Variants in RCAN1 observed in about 807,000 individuals in gnomAD.
RCAN1 encodes regulator of calcineurin 1, also known as calcipressin-1.
Under a neutral mutation model 22.9 loss-of-function variants are expected in RCAN1, and 11 were observed. That is an observed-to-expected ratio of 0.48 (90% CI 0.30 to 0.79). The LOEUF (loss-of-function observed/expected upper bound fraction) is 0.79. Ranked by LOEUF, RCAN1 falls within the 30% of genes least tolerant of loss-of-function variation. The pLI, the probability that RCAN1 is intolerant of heterozygous loss-of-function variation, is 0.06. For synonymous variants in RCAN1, 136 were observed against 142.3 expected (o/e 0.96, Z 0.32); for missense variants, 291 against 337.8 (o/e 0.86, Z 1.09).
At chr21:34,531,654 A>T (rs1985395782) in intron 1 of RCAN1, among the ~76,000 whole-genome samples, 1 of 152,168 alleles carries the variant, frequency 6.6e-6, no homozygotes, top group African/African-American at 2.4e-5. Context: ...TTCCTGCTGT[A>T]GCCCAGGCAG....
At chr21:34,535,095 CT>C (rs1985607333) in intron 1 of RCAN1, among the ~76,000 whole-genome samples, 1 of 152,184 alleles carries the variant, frequency 6.6e-6, no homozygotes, top group Non-Finnish European at 1.5e-5. Context: ...AAATAAAATG[CT>C]TTACTGGCAG....
At chr21:34,546,644 A>G (rs573708205) in intron 1 of RCAN1, among the ~76,000 whole-genome samples, 2 of 152,190 alleles carry the variant, frequency 1.3e-5, no homozygotes, top group Non-Finnish European at 2.9e-5. Context: ...CATACTAACA[A>G]TAATTATGAG....
In RCAN1 at chr21:34,614,703, C is replaced by T. The variant is rs2123743664; in HGVS notation, c.252+57G>A. 7.5e-7 allele frequency: 1 copy of T among 1,335,128 alleles called. No individual in the cohort carries two copies. Among genetic ancestry groups the T allele is most frequent in the Admixed American group, 3.5e-5 (1 of 28,238 alleles). 82.7% of individuals were successfully genotyped at this position (1,335,128 alleles called of 1,614,324 possible). On this transcript the variant is annotated intron_variant, in intron 1 of 3. Transcript: ENST00000313806. This position sits in a 1 kb window ranked among gnomAD's most constrained non-coding sequence, Gnocchi z 6.0. ...CTGGGCGCTGCGACCCGCGCCGCCT[C>T]CTCGGGCAACAAGTGTCCGCCCTCC... is the stretch of plus-strand genomic sequence containing the variant.
chr21:34,525,444 T>C, intron 1 of RCAN1: 1 of 1,384,948 alleles, frequency 7.2e-7, no homozygotes, highest in East Asian at 2.6e-5. Flanking sequence ...TTTCCCCACC[T>C]CTCTTGAGCA....
chr21:34,602,039 G>T (rs1231048855), intron 1 of RCAN1, among the ~76,000 whole-genome samples: 1 of 152,024 alleles, frequency 6.6e-6, no homozygotes, highest in South Asian at 2.1e-4. Flanking sequence ...TATAAAACTG[G>T]TAACAACATA....
intron 1 of RCAN1, among the ~76,000 whole-genome samples, chr21:34,613,596 C>T (rs915540): frequency 0.83 from 126,188 of 152,226 alleles, 52,757 homozygotes; most frequent in East Asian, 0.95. Context: ...AGGAAAAGGT[C>T]TGAAATGCTG....
intron 1 of RCAN1, among the ~76,000 whole-genome samples, chr21:34,562,596 A>G (rs1986833080): frequency 6.6e-6 from 1 of 152,222 alleles, no homozygotes; most frequent in South Asian, 2.1e-4. Flanking sequence ...ACACTTTCAC[A>G]TCAACTCAGG....
chr21:34,564,732 C>G (rs1439768731), intron 1 of RCAN1, among the ~76,000 whole-genome samples: 1 of 152,054 alleles, frequency 6.6e-6, no homozygotes, highest in African/African-American at 2.4e-5. Context: ...TATAAATATA[C>G]ATATTTATAT....
intron 1 of RCAN1, among the ~76,000 whole-genome samples, chr21:34,562,260 T>C (rs1221868224): frequency 6.6e-6 from 1 of 152,232 alleles, no homozygotes; most frequent in Non-Finnish European, 1.5e-5. Context: ...TGCAGTGACA[T>C]CTTTTGGTAC....
chr21:34,523,907 C>T (rs1035677015), intron 1 of RCAN1, 197 bp from the exon 2 acceptor site: 14 of 412,682 alleles, frequency 3.4e-5, no homozygotes, highest in East Asian at 5.1e-5. Context: ...CTCAGCCTCC[C>T]GAGTAGCTGG....
intron 1 of RCAN1, among the ~76,000 whole-genome samples, chr21:34,598,476 A>T (rs1026362335): frequency 5.8e-4 from 88 of 152,246 alleles, no homozygotes; most frequent in African/African-American, 1.9e-3. Context: ...CAACATTGGA[A>T]CATCCCACAG....
intron 1 of RCAN1, among the ~76,000 whole-genome samples, chr21:34,611,035 T>C (rs1025468945): frequency 2.0e-5 from 3 of 152,216 alleles, no homozygotes; most frequent in African/African-American, 7.2e-5. Flanking sequence ...AAAGGGTATT[T>C]GTTTCCATTA....
chr21:34,554,405 G>C (rs1181701897), intron 1 of RCAN1, among the ~76,000 whole-genome samples: 1 of 152,214 alleles, frequency 6.6e-6, no homozygotes, highest in Non-Finnish European at 1.5e-5. Flanking sequence ...CCACAGAGCT[G>C]CTGATACATC....
At chr21:34,596,716 C>G (rs1176939613) in intron 1 of RCAN1, among the ~76,000 whole-genome samples, 1 of 152,212 alleles carries the variant, frequency 6.6e-6, no homozygotes, top group African/African-American at 2.4e-5. Flanking sequence ...AACACCAACA[C>G]AGTACCTCAG....
chr21:34,546,800 A>T (rs1348125011), intron 1 of RCAN1, among the ~76,000 whole-genome samples: 1 of 152,346 alleles, frequency 6.6e-6, no homozygotes, highest in South Asian at 2.1e-4. Context: ...TCCATTTTAG[A>T]TATGGAAAAA....
At position 34,555,092 on chromosome 21, in the gene RCAN1, G is replaced by C. The variant is rs1365778620; in HGVS notation, c.253-31382C>G. Among the ~76,000 whole-genome samples, 5 of 152,244 alleles carry C rather than the reference G, an allele frequency of 3.3e-5. No homozygotes were observed. The South Asian group carries it at 1.0e-3, about 32-fold the overall frequency. ...AGAGATGTGCTAAACAGTGCTAACA[G>C]TGCACTTGCTGTTTCCAGACTGTGG... On this transcript the variant is annotated intron_variant, in intron 1 of 3. Transcript: ENST00000313806.
In RCAN1 at chr21:34,518,312, G is replaced by A; in HGVS notation, c.587-56C>T. The A allele has an allele frequency of 6.3e-7, 1 of 1,582,990 alleles. No homozygotes were observed. The highest frequency in any genetic ancestry group is 8.6e-7 in the Non-Finnish European group (1 of 1,161,090). ...CAGACAAGTCCTTGGGAGTCAAAAG[G>A]CAAACATAAAAGAGCATTCAGGGCT... On this transcript the variant is annotated intron_variant, in intron 3 of 3. Coordinates refer to ENST00000313806, the MANE Select transcript of RCAN1 (RefSeq NM_004414.7). The surrounding 1 kb of genome is among the most constrained non-coding windows in gnomAD (Gnocchi z 4.2).
At chr21:34,541,909 G>C (rs957358878) in intron 1 of RCAN1, among the ~76,000 whole-genome samples, 2 of 152,090 alleles carry the variant, frequency 1.3e-5, no homozygotes, top group African/African-American at 4.8e-5. Context: ...ACTCCAGCCT[G>C]GGTGACAGAG....
intron 1 of RCAN1, among the ~76,000 whole-genome samples, chr21:34,556,429 A>AAATAAT (rs56236946): frequency 0.13 from 18,436 of 145,394 alleles, 1,586 homozygotes; most frequent in East Asian, 0.39. Context: ...TTGTCTCAAA[A>AAATAAT]AATAATAATA....
Sources: allele counts gnomAD v4.1 joint callset (sites outside exome capture counted in the v4.1 genomes callset), GRCh38; gene constraint gnomAD v4.1.1; non-coding constraint Gnocchi (gnomAD v3.1); transcripts MANE v1.5; gene names NCBI Gene and HGNC (gene_info 2026-07-23, HGNC 2026-07-21).